RFPL1: variants seen among roughly 807,000 people sequenced by gnomAD.
RFPL1 encodes ret finger protein like 1.
A neutral mutation model predicts 9.6 loss-of-function variants in RFPL1; 6 were observed. That is an observed-to-expected ratio of 0.62 (90% CI 0.34 to 1.23). The LOEUF (loss-of-function observed/expected upper bound fraction) is 1.23, where lower values mean the gene tolerates loss of function less well. Ranked by LOEUF, RFPL1 falls within the 50% of genes most tolerant of loss-of-function variation. The probability of loss-of-function intolerance (pLI) is 0.03; values close to 1 mark genes in which losing one functional copy is unlikely to be tolerated. For missense variants in RFPL1, 352 were observed against 398.4 expected (o/e 0.88, Z 0.99); for synonymous variants, 145 against 149.4 (o/e 0.97, Z 0.22).
chr22:29,441,444 G>A, intron 1 of RFPL1, 98 bp from the exon 2 acceptor site: 1 of 1,409,586 alleles, frequency 7.1e-7, no homozygotes, highest in Non-Finnish European at 9.6e-7. Flanking sequence ...GAGAATTAAA[G>A]AAACCAAAGT....
At chr22:29,431,347 G>A in the RFPL1 span, among the ~76,000 whole-genome samples, 4 of 152,210 alleles carry the variant, frequency 2.6e-5, no homozygotes, top group Admixed American at 2.0e-4. Context: ...TCTAAAAGCA[G>A]ACAGCAGAAC....
chr22:29,406,548 A>G, the RFPL1 span, among the ~76,000 whole-genome samples: 1 of 152,136 alleles, frequency 6.6e-6, no homozygotes, highest in African/African-American at 2.4e-5. Flanking sequence ...CTGCTTTTCT[A>G]TATTGTCTCA....
rs530017929 is a variant in RFPL1 at position 29,439,656 on chromosome 22, T to C, written c.373+492T>C. The C allele has an allele frequency of 4.5e-4, 72 of 158,416 alleles. 2 individuals are homozygous for C. The South Asian group carries it at 0.013, about 29-fold the overall frequency. The allele number at this position is 158,416 out of a possible 1,614,324, so 9.8% of individuals were successfully genotyped here. On this transcript the variant is annotated intron_variant, in intron 1 of 1. Transcript: ENST00000354373. ...CTCAAAAAAAAAAACCTGATGTCTA[T>C]GTCATGGGTTAGACAAGGGATTCTC...
chr22:29,439,267 A>C, intron 1 of RFPL1, 103 bp downstream of exon 1: 5 of 1,458,054 alleles, frequency 3.4e-6, no homozygotes, highest in South Asian at 1.4e-5. Context: ...GCTGTCTGGC[A>C]CCTAAAATTG....
At chr22:29,439,288 T>G in intron 1 of RFPL1, 124 bp downstream of exon 1, 4 of 1,325,888 alleles carry the variant, frequency 3.0e-6, no homozygotes, top group Non-Finnish European at 4.2e-6. Context: ...AGATGCTTCT[T>G]CATCATCAGA....
chr22:29,425,072 CA>C, the RFPL1 span, among the ~76,000 whole-genome samples: 1 of 150,556 alleles, frequency 6.6e-6, no homozygotes, highest in African/African-American at 2.4e-5. Flanking sequence ...GGCGTGGTGG[CA>C]GGCGCCTGTA....
chr22:29,416,370 G>A, the RFPL1 span, among the ~76,000 whole-genome samples: 1 of 151,880 alleles, frequency 6.6e-6, no homozygotes, highest in African/African-American at 2.4e-5. Flanking sequence ...GGGGAGGGGG[G>A]CATAGGGGGT....
chr22:29,397,204 C>T, the RFPL1 span, among the ~76,000 whole-genome samples: 8,377 of 152,254 alleles, frequency 0.055, 362 homozygotes, highest in African/African-American at 0.12. Context: ...CCACCGCGCC[C>T]GGCCACCTGA....
chr22:29,438,451 G>T, upstream of RFPL1: 1 of 406,708 alleles, frequency 2.5e-6, no homozygotes, highest in Non-Finnish European at 3.9e-6. Context: ...CCAAAGTGCT[G>T]GGATTATAGG....
At chr22:29,406,451 G>T in the RFPL1 span, among the ~76,000 whole-genome samples, 3 of 152,146 alleles carry the variant, frequency 2.0e-5, no homozygotes, top group East Asian at 5.8e-4. Flanking sequence ...GGGAACTGAG[G>T]CACAGAGGGG....
the RFPL1 span, chr22:29,419,058 C>A: frequency 4.3e-6 from 3 of 701,874 alleles, no homozygotes; most frequent in Non-Finnish European, 7.8e-6. Context: ...AGACATGGGT[C>A]CCTAGACACC....
At chr22:29,402,669 G>A in the RFPL1 span, among the ~76,000 whole-genome samples, 1 of 150,842 alleles carries the variant, frequency 6.6e-6, no homozygotes, top group African/African-American at 2.5e-5. Flanking sequence ...TCCGAAATTT[G>A]TGTATAACTA....
At chr22:29,425,827 G>C in the RFPL1 span, among the ~76,000 whole-genome samples, 4 of 152,086 alleles carry the variant, frequency 2.6e-5, no homozygotes, top group Middle Eastern at 3.4e-3. Context: ...TGGGAGGTGA[G>C]GGTTGAGGTG....
chr22:29,390,115 T>C, the RFPL1 span, among the ~76,000 whole-genome samples: 1 of 152,198 alleles, frequency 6.6e-6, no homozygotes, highest in Admixed American at 6.5e-5. Flanking sequence ...CTCACCAAAA[T>C]ATTGGTAAAA....
At chr22:29,409,487 C>G in the RFPL1 span, among the ~76,000 whole-genome samples, 38 of 152,180 alleles carry the variant, frequency 2.5e-4, no homozygotes, top group Non-Finnish European at 2.4e-4. Flanking sequence ...CACCTCCACA[C>G]ACTCCAGCCC....
At chr22:29,396,402 G>C in the RFPL1 span, among the ~76,000 whole-genome samples, 2 of 152,174 alleles carry the variant, frequency 1.3e-5, no homozygotes, top group Admixed American at 1.3e-4. Flanking sequence ...ACCAGATGCC[G>C]AGCAGATATT....
exon 2 of RFPL1, chr22:29,442,191 T>A: frequency 8.4e-7 from 1 of 1,190,966 alleles, no homozygotes; most frequent in Non-Finnish European, 1.2e-6. Flanking sequence ...AGGAACGCTC[T>A]ACTCGGTAAA....
At chr22:29,409,512 C>T in the RFPL1 span, among the ~76,000 whole-genome samples, 2 of 152,156 alleles carry the variant, frequency 1.3e-5, no homozygotes, top group Non-Finnish European at 2.9e-5. Context: ...CCACATCCCC[C>T]AAGGCTCCTT....
chr22:29,392,378 CTTTTTT>C, the RFPL1 span, among the ~76,000 whole-genome samples: 5,027 of 45,020 alleles, frequency 0.11, 119 homozygotes, highest in East Asian at 0.16. Context: ...CCACACCTGG[CTTTTTT>C]TTTTTTTTTT....
Sources: allele counts gnomAD v4.1 joint callset (sites outside exome capture counted in the v4.1 genomes callset), GRCh38; gene constraint gnomAD v4.1.1; transcripts MANE v1.5; gene names NCBI Gene and HGNC (gene_info 2026-07-23, HGNC 2026-07-21).